The following BCAS3 variants were observed in gnomAD, a reference collection of about 807,000 sequenced individuals.
The protein encoded by BCAS3 is BCAS4/BCAS3 fusion.
In BCAS3, 53 loss-of-function variants were observed where a neutral mutation model predicts 116.1. That is an observed-to-expected ratio of 0.46 (90% confidence interval 0.37 to 0.57). BCAS3 has a LOEUF of 0.57. Among genes scored for constraint, BCAS3 ranks in the 20% least tolerant of loss-of-function variants. The pLI, the probability that BCAS3 is intolerant of heterozygous loss-of-function variation, is 0.00. For missense variants in BCAS3, 917 were observed against 1,165.4 expected, an observed-to-expected ratio of 0.79 and a Z score of 3.10; for synonymous variants, 391 against 408.2, an observed-to-expected ratio of 0.96 and a Z score of 0.51.
chr17:60,914,532 G>A (rs2058678625), intron 12 of BCAS3, among the ~76,000 whole-genome samples: 1 of 152,088 alleles, frequency 6.6e-6, no homozygotes, highest in Non-Finnish European at 1.5e-5. Context: ...TAGAAAAATG[G>A]GCAAAAGATA....
chr17:61,174,958 T>C (rs1301767613), intron 22 of BCAS3, among the ~76,000 whole-genome samples: 1 of 152,210 alleles, frequency 6.6e-6, no homozygotes, highest in East Asian at 1.9e-4. Flanking sequence ...TGTACTTTTC[T>C]ATGGGAGCTT....
intron 7 of BCAS3, among the ~76,000 whole-genome samples, chr17:60,829,994 T>A (rs1335206612): frequency 6.6e-6 from 1 of 152,132 alleles, no homozygotes; most frequent in African/African-American, 2.4e-5. Flanking sequence ...AAAATTTGTA[T>A]TTATTTATTT....
chr17:60,888,519 T>C (rs1336924709), intron 9 of BCAS3, among the ~76,000 whole-genome samples: 1 of 152,216 alleles, frequency 6.6e-6, no homozygotes, highest in Non-Finnish European at 1.5e-5. Context: ...ATATTTTTAA[T>C]GAATAAGATT....
At chr17:60,696,811 C>G (rs1363356535) in intron 4 of BCAS3, among the ~76,000 whole-genome samples, 2 of 152,122 alleles carry the variant, frequency 1.3e-5, no homozygotes, top group Non-Finnish European at 2.9e-5. Flanking sequence ...CTTTTCATGC[C>G]TCAGGATCTT....
At chr17:60,933,811 C>T (rs1016096690) in intron 13 of BCAS3, among the ~76,000 whole-genome samples, 1 of 152,304 alleles carries the variant, frequency 6.6e-6, no homozygotes, top group Admixed American at 6.5e-5. Flanking sequence ...TATATTATTT[C>T]ATTCACAATG....
intron 22 of BCAS3, among the ~76,000 whole-genome samples, chr17:61,138,680 A>G (rs532225187): frequency 5.3e-5 from 8 of 152,222 alleles, no homozygotes; most frequent in Non-Finnish European, 1.0e-4. Flanking sequence ...AAGAACTCTT[A>G]TTGGAATAAG....
rs1193682376 is a variant in BCAS3 at position 61,378,037 on chromosome 17, GACTGC to G, written c.2593+9544_2593+9548del. 1.3e-5 allele frequency: 2 copies of G among 152,172 alleles called. No homozygotes were observed. The highest frequency in any genetic ancestry group is 1.3e-4 in the Admixed American group (2 of 15,276). 9.4% of individuals were successfully genotyped at this position (152,172 alleles called of 1,614,324 possible). ...GACTGTCACTAGCAGGGCCTGCCTT[GACTGC>G]CGTTGCACTTCCCTGCTCAGAAAGT... On this transcript the variant is annotated intron_variant, in intron 23 of 23. Coordinates refer to ENST00000407086, the MANE Select transcript of BCAS3 (RefSeq NM_017679.5). The surrounding 1 kb of genome is among the most constrained non-coding windows in gnomAD (Gnocchi z 5.8).
At position 60,962,506 on chromosome 17, in the gene BCAS3, T is replaced by C. The variant is rs766045072; in HGVS notation, c.1221+15154T>C. Among the ~76,000 whole-genome samples the C allele has an allele frequency of 4.6e-5, 7 of 152,186 alleles. No homozygotes were observed. Among genetic ancestry groups the C allele is most frequent in the Non-Finnish European group, 1.0e-4 (7 of 68,020 alleles). ...TTCTTTTGAGAAATGTGTGTTCAGG[T>C]CTTTTGCCCATTTTTAAATTTTCTT... On this transcript the variant is annotated intron_variant, in intron 14 of 23. Coordinates refer to ENST00000407086, the MANE Select transcript of BCAS3 (RefSeq NM_017679.5). The surrounding 1 kb of genome is among the most constrained non-coding windows in gnomAD (Gnocchi z 4.4).
chr17:60,764,158 G>T (rs1362231566), intron 6 of BCAS3, among the ~76,000 whole-genome samples: 1 of 126,986 alleles, frequency 7.9e-6, no homozygotes, highest in South Asian at 2.1e-4. Flanking sequence ...TGGATTCATT[G>T]ATTTTTTTTT....
rs369282243 is a variant in BCAS3 at position 61,219,888 on chromosome 17, G to A, written c.2425+135324G>A. 9.2e-5 allele frequency among the ~76,000 whole-genome samples: 14 copies of A among 152,298 alleles called. No homozygotes were observed. The East Asian group carries it at 1.9e-3, about 21-fold the overall frequency. On this transcript the variant is annotated intron_variant, in intron 22 of 23. Coordinates refer to ENST00000407086, the MANE Select transcript of BCAS3 (RefSeq NM_017679.5). This position sits in a 1 kb window ranked among gnomAD's most constrained non-coding sequence, Gnocchi z 5.2. The stretch of plus-strand genomic sequence containing the variant: ...TTTTTTCCCATCCTGTTTGGGGTAG[G>A]AAAAACAAGGCAGGTTATGGGGGGA...
At chr17:60,784,254 C>T (rs2046081017) in intron 6 of BCAS3, among the ~76,000 whole-genome samples, 2 of 149,234 alleles carry the variant, frequency 1.3e-5, no homozygotes, top group South Asian at 4.3e-4. Flanking sequence ...GGTGAAAATA[C>T]TTAGTGATGA....
In BCAS3 at chr17:61,139,406, CAT is replaced by C. The variant is rs994059804; in HGVS notation, c.2425+54843_2425+54844del. Among the ~76,000 whole-genome samples the C allele has an allele frequency of 6.6e-6, 1 of 152,158 alleles. No individual in the cohort carries two copies. Among genetic ancestry groups the C allele is most frequent in the African/African-American group, 2.4e-5 (1 of 41,440 alleles). On this transcript the variant is annotated intron_variant, in intron 22 of 23. Transcript: ENST00000407086. This position sits in a 1 kb window ranked among gnomAD's most constrained non-coding sequence, Gnocchi z 4.7. ...TGTGGTTTTGGTGTTTCCTCTTACACATGTGTCTTCCTTCTTCAGTTTCTCAG... is the reference window on the plus strand; with the variant it reads ...TGTGGTTTTGGTGTTTCCTCTTACACGTGTCTTCCTTCTTCAGTTTCTCAG...
In BCAS3 at chr17:61,015,684, CGGAGATAGAGAACG is replaced by C. The variant is rs1017489650; in HGVS notation, c.1487-53_1487-40del. 3.3e-6 allele frequency: 5 copies of C among 1,511,844 alleles called. No homozygotes were observed. In the South Asian group the frequency reaches 3.4e-5, roughly 10 times the overall value. The allele number at this position is 1,511,844 out of a possible 1,614,324, so 93.7% of individuals were successfully genotyped here. On this transcript the variant is annotated intron_variant, in intron 15 of 23. Transcript: ENST00000407086. ...TTACTGGAGTCAGTGAAAACCCTAT[CGGAGATAGAGAACG>C]GGAGATAGAGAACCTTCCTCAGTGA...
In BCAS3 at chr17:61,365,526, G is replaced by A. The variant is rs902055203; in HGVS notation, c.2426-2801G>A. Among the ~76,000 whole-genome samples the A allele has an allele frequency of 7.2e-5, 11 of 152,090 alleles. No individual in the cohort carries two copies. The highest frequency in any genetic ancestry group is 2.1e-4 in the South Asian group (1 of 4,822). ...CTTTTGTATTTTTAGTCGAGATGGC[G>A]TTTCACCATGTTGTCCAGGCTGGTC... On this transcript the variant is annotated intron_variant, in intron 22 of 23. Transcript: ENST00000407086. The surrounding 1 kb of genome is among the most constrained non-coding windows in gnomAD (Gnocchi z 4.6).
chr17:60,911,855 C>A (rs1176439651), intron 12 of BCAS3, among the ~76,000 whole-genome samples: 1 of 152,116 alleles, frequency 6.6e-6, no homozygotes, highest in African/African-American at 2.4e-5. Flanking sequence ...CAGATGTTTT[C>A]TTATCAATAT....
chr17:61,301,933 C>G (rs1235941984), intron 22 of BCAS3, among the ~76,000 whole-genome samples: 1 of 152,160 alleles, frequency 6.6e-6, no homozygotes, highest in Non-Finnish European at 1.5e-5. Context: ...CGCCCCCTCA[C>G]AAATGTCTGC....
Position 60,910,517 on chromosome 17 carries a change from C to T in BCAS3, c.823-15C>T. ...TACTGATGTGAAGTCATACATTTTA[C>T]CTTTCATTGTACAGACATTGAAAAG... On this transcript the variant is annotated splice_polypyrimidine_tract_variant and intron_variant, in intron 11 of 23. Transcript: ENST00000407086. 6.4e-7 allele frequency: 1 copy of T among 1,567,812 alleles called. No individual in the cohort carries two copies. The highest frequency in any genetic ancestry group is 8.6e-7 in the Non-Finnish European group (1 of 1,158,016).
At position 61,214,745 on chromosome 17, in the gene BCAS3, G is replaced by A. The variant is rs2081682323; in HGVS notation, c.2425+130181G>A. ...AAAACATTTTTTAATGAACTATAGG[G>A]ATATTTTGATGGACTGTTCTTTGGA... On this transcript the variant is annotated intron_variant, in intron 22 of 23. Transcript: ENST00000407086. This position sits in a 1 kb window ranked among gnomAD's most constrained non-coding sequence, Gnocchi z 4.4. 6.6e-6 allele frequency among the ~76,000 whole-genome samples: 1 copy of A among 152,148 alleles called. No homozygotes were observed. Among genetic ancestry groups the A allele is most frequent in the Non-Finnish European group, 1.5e-5 (1 of 68,026 alleles).
At chr17:61,193,484 G>A (rs1174745760) in intron 22 of BCAS3, among the ~76,000 whole-genome samples, 1 of 151,754 alleles carries the variant, frequency 6.6e-6, no homozygotes, top group African/African-American at 2.4e-5. Flanking sequence ...TTGGCCAGGT[G>A]CGGTGGCTCA....
Sources: gnomAD v4.1 joint callset for allele counts (sites outside exome capture counted in the v4.1 genomes callset) on GRCh38, gnomAD v4.1.1 for gene constraint, Gnocchi (gnomAD v3.1) non-coding constraint, MANE v1.5 for transcripts, NCBI Gene and HGNC (gene_info 2026-07-23, HGNC 2026-07-21) for gene names.